SND1: variants seen among roughly 807,000 people sequenced by gnomAD.
The protein encoded by SND1 is staphylococcal nuclease domain-containing protein 1.
Under a neutral mutation model 121.7 loss-of-function variants are expected in SND1, and 38 were observed. The ratio of observed to expected loss-of-function variants is 0.31; its 90% CI spans 0.24 to 0.41. SND1 has a LOEUF of 0.41. Among genes scored for constraint, SND1 ranks in the 10% least tolerant of loss-of-function variants. The pLI is 1.00. For synonymous variants in SND1, 401 were observed against 447.4 expected, an observed-to-expected ratio of 0.90 and a Z score of 1.31; for missense variants, 868 against 1,184.6, an observed-to-expected ratio of 0.73 and a Z score of 3.92.
At chr7:127,985,501 G>A (rs1183249667) in intron 15 of SND1, among the ~76,000 whole-genome samples, 3 of 152,126 alleles carry the variant, frequency 2.0e-5, no homozygotes, top group South Asian at 2.1e-4. Flanking sequence ...CAAGTGATCC[G>A]CCTGCCTTGG....
chr7:127,793,465 T>C (rs904214541), intron 10 of SND1, among the ~76,000 whole-genome samples: 1 of 152,224 alleles, frequency 6.6e-6, no homozygotes, highest in Non-Finnish European at 1.5e-5. Context: ...GTGTTTGTTT[T>C]GTTTTTTAAT....
intron 16 of SND1, among the ~76,000 whole-genome samples, chr7:127,994,034 G>GT (rs1179343256): frequency 6.6e-6 from 1 of 152,242 alleles, no homozygotes; most frequent in African/African-American, 2.4e-5. Flanking sequence ...CACCATGTTT[G>GT]TAAGTGCATT....
intron 13 of SND1, among the ~76,000 whole-genome samples, chr7:127,899,643 T>C (rs1800187690): frequency 2.0e-5 from 3 of 152,318 alleles, no homozygotes; most frequent in South Asian, 2.1e-4. Flanking sequence ...TGGTTGTCTT[T>C]GTTTGGAGTA....
intron 9 of SND1, among the ~76,000 whole-genome samples, chr7:127,714,970 A>G (rs1181250407): frequency 6.6e-6 from 1 of 152,204 alleles, no homozygotes; most frequent in Non-Finnish European, 1.5e-5. Flanking sequence ...GGTTATACAA[A>G]TATCTCTTTG....
intron 10 of SND1, among the ~76,000 whole-genome samples, chr7:127,750,134 G>A (rs1162196825): frequency 6.6e-6 from 1 of 152,150 alleles, no homozygotes; most frequent in Admixed American, 6.6e-5. Context: ...AAACGAGTAA[G>A]TGAAGTTTAA....
chr7:127,952,790 A>G (rs1206492883), intron 15 of SND1, among the ~76,000 whole-genome samples: 1 of 152,208 alleles, frequency 6.6e-6, no homozygotes, highest in Non-Finnish European at 1.5e-5. Flanking sequence ...AGATGCCTGT[A>G]AAACATCTTT....
At chr7:127,720,737 T>C (rs1796480192) in intron 9 of SND1, among the ~76,000 whole-genome samples, 1 of 152,216 alleles carries the variant, frequency 6.6e-6, no homozygotes, top group Non-Finnish European at 1.5e-5. Flanking sequence ...AGTAATTTCA[T>C]GTTTCTGCCT....
intron 13 of SND1, among the ~76,000 whole-genome samples, chr7:127,902,432 C>T (rs1252467291): frequency 6.6e-6 from 1 of 152,176 alleles, no homozygotes; most frequent in South Asian, 2.1e-4. Context: ...TACGGCTGCT[C>T]CTTCCAATTT....
chr7:127,884,623 A>G (rs1261620420), intron 12 of SND1, among the ~76,000 whole-genome samples: 1 of 152,022 alleles, frequency 6.6e-6, no homozygotes, highest in Non-Finnish European at 1.5e-5. Context: ...ACCTTCCTTC[A>G]TTCCCTCCAT....
chr7:127,697,678 T>C (rs371907288), intron 3 of SND1, among the ~76,000 whole-genome samples: 15 of 152,296 alleles, frequency 9.8e-5, no homozygotes, highest in African/African-American at 3.6e-4. Flanking sequence ...GAACCTTCTT[T>C]GTATAAACTT....
chr7:127,845,907 AT>A (rs1482456690), intron 12 of SND1, among the ~76,000 whole-genome samples: 1 of 152,226 alleles, frequency 6.6e-6, no homozygotes, highest in Non-Finnish European at 1.5e-5. Context: ...TTTTAAGATA[AT>A]TTGAGACAGA....
rs140183259 is a variant in SND1 at position 127,791,452 on chromosome 7, G to A, written c.1153-16032G>A. ...AAAGGCATGAGCCACCATGCCCAACGTTACTTTTTTTTAATTGTGGTAACA... is the reference window on the plus strand; with the variant it reads ...AAAGGCATGAGCCACCATGCCCAACATTACTTTTTTTTAATTGTGGTAACA... On this transcript the variant is annotated intron_variant, in intron 10 of 23. Transcript: ENST00000354725. 4.0e-3 allele frequency among the ~76,000 whole-genome samples: 604 copies of A among 151,850 alleles called. 7 individuals are homozygous for A. The highest frequency in any genetic ancestry group is 0.014 in the African/African-American group (569 of 41,266).
At chr7:128,078,285 C>T (rs1411313452) in intron 17 of SND1, among the ~76,000 whole-genome samples, 1 of 152,280 alleles carries the variant, frequency 6.6e-6, no homozygotes, top group Non-Finnish European at 1.5e-5. Context: ...CCTCCATCCC[C>T]ACAGGGAAAG....
rs574729707 is a variant in SND1 at position 127,882,270 on chromosome 7, A to G, written c.1344-5632A>G. 9.2e-5 allele frequency among the ~76,000 whole-genome samples: 14 copies of G among 151,640 alleles called. No homozygotes were observed. In the South Asian group the frequency reaches 1.7e-3, roughly 18 times the overall value. ...CCCTGTCCCTTTTATATATGTTAAA[A>G]AAAGGAAAAGCAATTAAGGCAGATC... On this transcript the variant is annotated intron_variant, in intron 12 of 23. Transcript: ENST00000354725.
chr7:128,014,702 A>T (rs1803188831), intron 16 of SND1, among the ~76,000 whole-genome samples: 1 of 150,940 alleles, frequency 6.6e-6, no homozygotes, highest in South Asian at 2.1e-4. Flanking sequence ...TGTGGAGGGG[A>T]GATAGATCTA....
Position 128,029,734 on chromosome 7 carries a change from T to C in SND1, c.1779+38678T>C. On this transcript the variant is annotated intron_variant, in intron 16 of 23. Transcript: ENST00000354725. The surrounding 1 kb of genome is among the most constrained non-coding windows in gnomAD (Gnocchi z 4.2). ...AGCCACAGAATGTCACAATCACAGT[T>C]CCAAGGGTTGTGGTGTAGATGCAAC... 1 of 1,614,110 alleles carries C rather than the reference T, an allele frequency of 6.2e-7. No homozygotes were observed. The highest frequency in any genetic ancestry group is 8.5e-7 in the Non-Finnish European group (1 of 1,180,034).
chr7:128,042,054 A>G (rs1372555338), intron 16 of SND1, among the ~76,000 whole-genome samples: 1 of 152,174 alleles, frequency 6.6e-6, no homozygotes, highest in East Asian at 1.9e-4. Context: ...AGACACTGGC[A>G]GCCTGGCTAG....
intron 10 of SND1, among the ~76,000 whole-genome samples, chr7:127,768,789 C>A (rs931825343): frequency 1.3e-5 from 2 of 152,136 alleles, no homozygotes; most frequent in Admixed American, 6.5e-5. Flanking sequence ...GAAAATTATT[C>A]TTGAAAATCC....
intron 15 of SND1, among the ~76,000 whole-genome samples, chr7:127,969,401 G>T (rs187696809): frequency 6.6e-6 from 1 of 152,084 alleles, no homozygotes; most frequent in East Asian, 1.9e-4. Context: ...CCATTCGCTC[G>T]TATACAAAAT....
Sources: gnomAD v4.1 joint callset for allele counts (sites outside exome capture counted in the v4.1 genomes callset) on GRCh38, gnomAD v4.1.1 for gene constraint, Gnocchi (gnomAD v3.1) non-coding constraint, MANE v1.5 for transcripts, NCBI Gene and HGNC (gene_info 2026-07-23, HGNC 2026-07-21) for gene names.